DMD: variants seen among roughly 807,000 people sequenced by gnomAD.
DMD encodes the protein mutant dystrophin.
DMD carries 63 observed loss-of-function variants against 330.1 expected under a neutral mutation model. That is an observed-to-expected ratio of 0.19 (90% CI 0.16 to 0.24). The LOEUF (loss-of-function observed/expected upper bound fraction) is 0.24. Among genes scored for constraint, DMD ranks in the 10% least tolerant of loss-of-function variants. DMD has a pLI of 1.00. For missense variants in DMD, 3,344 were observed against 2,684.1 expected (o/e 1.25, Z -5.43); for synonymous variants, 1,223 against 959.8 (o/e 1.27, Z -5.07).
chrX:31,449,101 T>C (rs188286766), intron 59 of DMD, among the ~76,000 whole-genome samples: 343 of 111,612 alleles, frequency 3.1e-3, no homozygotes, highest in Non-Finnish European at 4.9e-3. Flanking sequence ...AGAAGGTCAG[T>C]TGGAAAGACT....
At chrX:31,209,429 A>C (rs2044417102) in intron 65 of DMD, 69 bp downstream of exon 65, 3 of 1,044,022 alleles carry the variant, frequency 2.9e-6, no homozygotes, top group Non-Finnish European at 4.0e-6. Flanking sequence ...AATGCTAATT[A>C]CACTTCACCA....
chrX:31,362,095 T>A, intron 60 of DMD, among the ~76,000 whole-genome samples: 1 of 112,501 alleles, frequency 8.9e-6, no homozygotes, highest in Non-Finnish European at 1.9e-5. Context: ...GTATTGAAAT[T>A]GATTTTTTAT....
intron 9 of DMD, among the ~76,000 whole-genome samples, chrX:32,662,641 C>T (rs1455394859): frequency 1.8e-5 from 2 of 111,504 alleles, no homozygotes; most frequent in Admixed American, 1.9e-4. Flanking sequence ...CATAAACTCC[C>T]AATTATTCTG....
Position 31,363,372 on chromosome X carries a change from C to CTT in DMD, c.9085-14740_9085-14739dup, listed in dbSNP as rs752548187. Among the ~76,000 whole-genome samples, 50 of 51,883 alleles carry CTT rather than the reference C, an allele frequency of 9.6e-4. 1 individual carries two copies. The highest frequency in any genetic ancestry group is 1.1e-3 in the East Asian group (2 of 1,807). The allele number at this position is 51,883 out of a possible 115,157, so 45.1% of individuals were successfully genotyped here. A position where few individuals can be genotyped will look rare whatever the true frequency, so the allele number is the denominator to read the frequency against. The stretch of plus-strand genomic sequence containing the variant: ...CTTTCAGTACACATAAGACATGTAT[C>CTT]TTTTTTTTTTTTTTTTTTTTTTTTT... On this transcript the variant is annotated intron_variant, in intron 60 of 78. Coordinates refer to ENST00000357033, the MANE Select transcript of DMD (RefSeq NM_004006.3).
At chrX:32,394,704 C>A (rs56157699) in intron 30 of DMD, among the ~76,000 whole-genome samples, 18,765 of 108,696 alleles carry the variant, frequency 0.17, 1,412 homozygotes, top group African/African-American at 0.3. Flanking sequence ...ATTGTGGAGA[C>A]TGTGAAAGGA....
intron 2 of DMD, among the ~76,000 whole-genome samples, chrX:32,881,641 A>G (rs1398253781): frequency 3.6e-5 from 4 of 112,396 alleles, no homozygotes; most frequent in African/African-American, 9.7e-5. Flanking sequence ...AAGAAAAATT[A>G]TGCTTTAATG....
At chrX:31,561,096 T>G (rs1290105711) in intron 55 of DMD, among the ~76,000 whole-genome samples, 2 of 112,207 alleles carry the variant, frequency 1.8e-5, no homozygotes, top group Non-Finnish European at 3.8e-5. Context: ...GTGGCAATCT[T>G]GTAATGAGCC....
chrX:31,878,769 T>G (rs1173519452), intron 47 of DMD, among the ~76,000 whole-genome samples: 1 of 112,180 alleles, frequency 8.9e-6, no homozygotes, highest in Non-Finnish European at 1.9e-5. Context: ...GAACAGAAGC[T>G]TAGCCTTGGT....
At chrX:33,041,743 T>A (rs1350565313) in intron 1 of DMD, 2 of 1,183,456 alleles carry the variant, frequency 1.7e-6, no homozygotes, top group African/African-American at 3.5e-5. Flanking sequence ...TATGGGGTGG[T>A]TTTTGCATTA....
chrX:31,194,599 T>C, intron 67 of DMD, among the ~76,000 whole-genome samples: 1 of 112,308 alleles, frequency 8.9e-6, no homozygotes. Context: ...CAACCATGGA[T>C]TGAACAGATG....
At chrX:31,747,193 T>C (rs975183274) in intron 51 of DMD, among the ~76,000 whole-genome samples, 31 of 111,323 alleles carry the variant, frequency 2.8e-4, no homozygotes, top group African/African-American at 9.2e-4. Flanking sequence ...TAGGAGGTGT[T>C]AGACATTGAT....
chrX:33,001,024 C>A, intron 2 of DMD, among the ~76,000 whole-genome samples: 1 of 111,376 alleles, frequency 9.0e-6, no homozygotes, highest in African/African-American at 3.3e-5. Flanking sequence ...TATAAATCTA[C>A]TGTGTGCCAG....
chrX:32,733,554 A>C (rs2068009196), intron 7 of DMD, among the ~76,000 whole-genome samples: 1 of 111,450 alleles, frequency 9.0e-6, no homozygotes, highest in Non-Finnish European at 1.9e-5. Flanking sequence ...AGAAATTATA[A>C]CAAACTATCT....
At chrX:33,269,385 A>G (rs1484763840) in intron 1 of DMD, among the ~76,000 whole-genome samples, 1 of 110,838 alleles carries the variant, frequency 9.0e-6, no homozygotes, top group Non-Finnish European at 1.9e-5. Flanking sequence ...GGAACTAAAC[A>G]TTGAGCACAA....
intron 51 of DMD, among the ~76,000 whole-genome samples, chrX:31,755,333 A>G (rs1032711648): frequency 2.7e-5 from 3 of 112,279 alleles, no homozygotes; most frequent in Non-Finnish European, 5.6e-5. Flanking sequence ...AATGGTGCCC[A>G]AGATTTAATG....
intron 2 of DMD, among the ~76,000 whole-genome samples, chrX:32,851,071 G>A (rs1323510359): frequency 8.9e-6 from 1 of 111,875 alleles, no homozygotes. Flanking sequence ...TAGCCTTTGG[G>A]TGACTGTGCT....
chrX:32,337,970 G>T (rs1182276060), intron 41 of DMD, among the ~76,000 whole-genome samples: 2 of 111,300 alleles, frequency 1.8e-5, no homozygotes, highest in Non-Finnish European at 3.8e-5. Flanking sequence ...ATATTGCTTA[G>T]TAATTATTTT....
chrX:32,459,823 C>A (rs924617484), intron 25 of DMD, among the ~76,000 whole-genome samples: 5 of 111,072 alleles, frequency 4.5e-5, no homozygotes, highest in African/African-American at 1.6e-4. Flanking sequence ...AGGAATAATA[C>A]TTCTGGGTAG....
chrX:32,683,464 T>C (rs763738264), intron 9 of DMD, among the ~76,000 whole-genome samples: 387 of 108,537 alleles, frequency 3.6e-3, no homozygotes, highest in Non-Finnish European at 5.0e-3. Flanking sequence ...TATGCAGCCA[T>C]AAAAAAGGAT....
Sources: allele counts gnomAD v4.1 joint callset (sites outside exome capture counted in the v4.1 genomes callset), GRCh38; gene constraint gnomAD v4.1.1; transcripts MANE v1.5; gene names NCBI Gene and HGNC (gene_info 2026-07-23, HGNC 2026-07-21).